The following FBN3 variants were observed in gnomAD, a reference collection of about 807,000 sequenced individuals.
The protein encoded by FBN3 is fibrillin-3.
Under a neutral mutation model 330.1 loss-of-function variants are expected in FBN3, and 234 were observed. That is an observed-to-expected ratio of 0.71 (90% CI 0.64 to 0.79). The LOEUF (loss-of-function observed/expected upper bound fraction) is 0.79. FBN3 is among the 30% of genes least tolerant of loss of function. The pLI, the probability that FBN3 is intolerant of heterozygous loss-of-function variation, is 0.00. For synonymous variants in FBN3, 1,458 were observed against 1,517.3 expected (o/e 0.96, Z 0.91); for missense variants, 3,606 against 3,886.9 (o/e 0.93, Z 1.92).
Position 8,116,730 on chromosome 19 carries a change from T to C in FBN3, c.3656A>G (p.His1219Arg). The change falls in exon 29 of 64, where the codon CAC becomes CGC. Residue 1219 changes from histidine to arginine, a missense_variant. Transcript: ENST00000600128. The part of the protein sequence containing the change: ...QGHCTNMPGG[H>R]RCLCYDGFMA... ...GAAGCCATCATAGCACAGGCAGCGG[T>C]GACCCCCTGGCATGTTGGTGCAGTG... 1 of 1,613,904 alleles carries C rather than the reference T, an allele frequency of 6.2e-7. No homozygotes were observed.
Position 8,138,418 on chromosome 19 carries a change from C to A in FBN3, c.1012G>T (p.Gly338Cys). The A allele has an allele frequency of 2.5e-6, 4 of 1,611,510 alleles. No individual in the cohort carries two copies. Among genetic ancestry groups the A allele is most frequent in the Non-Finnish European group, 3.4e-6 (4 of 1,178,492 alleles). Residue 338 changes from glycine (G) to cysteine (C), a missense_variant, in exon 9 of 64, where the codon GGC becomes TGC. Gly to Cys is a radical substitution (Grantham distance 159, BLOSUM62 -3). Transcript: ENST00000600128. Reference protein sequence around the residue: ...GPVPELCPPRGSNEFQQLCAQ... With the variant: ...GPVPELCPPRCSNEFQQLCAQ... ...GGCTGCAGCTCTTACTCACTGGAGC[C>A]CCGAGGAGGACACAGCTCAGGGACC...
At position 8,090,173 on chromosome 19, in the gene FBN3, G is replaced by A. The variant is rs2082062158; in HGVS notation, c.6110C>T (p.Thr2037Ile). Residue 2037 changes from threonine to isoleucine, a missense_variant, in exon 49 of 64, where the codon ACC becomes ATC. Thr to Ile is a moderately conservative substitution (Grantham distance 89). Coordinates refer to ENST00000600128, the MANE Select transcript of FBN3 (RefSeq NM_032447.5). ...SVPKAFNTTKTRCCCSKRPGE... is the reference protein window; with the variant it reads ...SVPKAFNTTKIRCCCSKRPGE... Reference sequence around the variant, plus strand: ...AGGCCTCTTACTGCAGCAGCAGCGGGTCTTGGTGGTGTTGAAAGCTTTGGG... The same window carrying A: ...AGGCCTCTTACTGCAGCAGCAGCGGATCTTGGTGGTGTTGAAAGCTTTGGG... 1 of 1,614,008 alleles carries A rather than the reference G, an allele frequency of 6.2e-7. No individual in the cohort carries two copies. Among genetic ancestry groups the A allele is most frequent in the Admixed American group, 1.7e-5 (1 of 59,992 alleles).
At chr19:8,082,111 A>G (rs2081803107) in intron 57 of FBN3, among the ~76,000 whole-genome samples, 1 of 149,674 alleles carries the variant, frequency 6.7e-6, no homozygotes, top group Non-Finnish European at 1.5e-5. Flanking sequence ...TTACAGGCAC[A>G]TAACACCTGG....
chr19:8,124,609 C>T lies in FBN3; in HGVS notation c.2732-601G>A, dbSNP rs1037736365. On this transcript the variant is annotated intron_variant, in intron 22 of 63. Coordinates refer to ENST00000600128, the MANE Select transcript of FBN3 (RefSeq NM_032447.5). ...CTGTAGTGCAGCGGCACAATCTCAG[C>T]TCACTGCAACCTCCGCCTCCCGGGT... Among the ~76,000 whole-genome samples the T allele has an allele frequency of 2.0e-5, 3 of 151,212 alleles. 1 individual carries two copies. Among genetic ancestry groups the T allele is most frequent in the Admixed American group, 6.6e-5 (1 of 15,084 alleles).
At chr19:8,087,008 A>C in intron 54 of FBN3, 69 bp downstream of exon 54, 5 of 1,550,022 alleles carry the variant, frequency 3.2e-6, no homozygotes, top group Non-Finnish European at 4.3e-6. Flanking sequence ...GCCCGGTCCA[A>C]CCCTCTTGCT....
intron 11 of FBN3, 36 bp downstream of exon 11, chr19:8,136,352 G>A (rs1285212948): frequency 1.9e-6 from 3 of 1,605,338 alleles, no homozygotes; most frequent in African/African-American, 1.4e-5. Context: ...GCAGGGCAGT[G>A]AGAACCGCCC....
At chr19:8,069,141 A>G (rs2081457281) in intron 63 of FBN3, among the ~76,000 whole-genome samples, 1 of 152,128 alleles carries the variant, frequency 6.6e-6, no homozygotes, top group African/African-American at 2.4e-5. Context: ...GCTGGAGAGG[A>G]GAGCGTAAAG....
Position 8,141,928 on chromosome 19 carries a change from C to T in FBN3, c.739+12G>A, listed in dbSNP as rs750436026. Reference sequence around the variant, plus strand: ...CTAAGGCCTCCCACTCAGCCCTGACCCCACTATTCACCTTGGCAGGCCCCC... The same window carrying T: ...CTAAGGCCTCCCACTCAGCCCTGACTCCACTATTCACCTTGGCAGGCCCCC... On this transcript the variant is annotated intron_variant, in intron 7 of 63. Coordinates refer to ENST00000600128, the MANE Select transcript of FBN3 (RefSeq NM_032447.5). 5 of 1,613,976 alleles carry T rather than the reference C, an allele frequency of 3.1e-6. No individual in the cohort carries two copies. The South Asian group carries it at 4.4e-5, about 14-fold the overall frequency.
At chr19:8,099,201 C>T (rs1190185466) in intron 41 of FBN3, among the ~76,000 whole-genome samples, 2 of 150,798 alleles carry the variant, frequency 1.3e-5, no homozygotes, top group Non-Finnish European at 2.9e-5. Context: ...AGCATAAGAA[C>T]GTCCAGAGAG....
intron 59 of FBN3, among the ~76,000 whole-genome samples, chr19:8,079,589 ATTGTTTGTTTGT>A (rs113805006): frequency 8.6e-5 from 13 of 150,666 alleles, no homozygotes; most frequent in Admixed American, 8.6e-4. Context: ...TATTCTGTTA[ATTGTTTGTTTGT>A]TTGTTTGTTT....
rs1029036266 is a variant in FBN3, at chr19:8,117,579, C to T, written c.3348G>A (p.Glu1116=). ...AKGTACEDID[E]CSLSDGLCPH... ...GACACAGGCCATCACTCAGGGAGCA[C>T]TCATCGATGTCTGTGGGGGAGTGCA... The change falls in exon 27 of 64, where the codon GAG becomes GAA. Residue 1116 remains glutamate (E), a synonymous_variant. Coordinates refer to ENST00000600128, the MANE Select transcript of FBN3 (RefSeq NM_032447.5). 7 of 1,550,216 alleles carry T rather than the reference C, an allele frequency of 4.5e-6. No individual in the cohort carries two copies. The African/African-American group carries it at 6.8e-5, about 15-fold the overall frequency.
At chr19:8,108,577 G>A (rs901357546) in intron 36 of FBN3, among the ~76,000 whole-genome samples, 5 of 152,080 alleles carry the variant, frequency 3.3e-5, no homozygotes, top group African/African-American at 1.2e-4. Flanking sequence ...TAGTGTAACT[G>A]CAAGTTTTCC....
In FBN3 at chr19:8,111,748, C is replaced by T. The variant is rs765019367; in HGVS notation, c.3984G>A (p.Gln1328=). 6.2e-6 allele frequency: 10 copies of T among 1,612,698 alleles called. No individual in the cohort carries two copies. The African/African-American group carries it at 1.3e-4, about 22-fold the overall frequency. ...CACCTCTTGGGCTGCACCGGTGCTC[C>T]TGGGAGACGCATTCATCCAGGTCTG... is the stretch of plus-strand genomic sequence containing the variant. ...ECHDLDECVS[Q]EHRCSPRGDC... The change falls in exon 32 of 64, where the codon CAG becomes CAA. Residue 1328 remains glutamine (Q), a synonymous_variant. Transcript: ENST00000600128.
intron 13 of FBN3, 25 bp downstream of exon 13, chr19:8,135,936 G>GGGGCCCCCCCCCCCCCCC: frequency 4.5e-6 from 3 of 668,776 alleles, no homozygotes; most frequent in Non-Finnish European, 7.2e-6. Flanking sequence ...GGAAGCCCCT[G>GGGGCCCCCCCCCCCCCCC]CCCACCCGCC....
intron 54 of FBN3, among the ~76,000 whole-genome samples, chr19:8,086,561 ATTC>A (rs999139179): frequency 1.3e-5 from 2 of 150,154 alleles, no homozygotes; most frequent in African/African-American, 4.9e-5. Context: ...GGTTCAAGAA[ATTC>A]TTCTGCCTCA....
chr19:8,087,571 G>A (rs891262007), intron 53 of FBN3, among the ~76,000 whole-genome samples: 1 of 151,496 alleles, frequency 6.6e-6, no homozygotes, highest in Non-Finnish European at 1.5e-5. Context: ...TCTTTGCGGT[G>A]GGCGGCTGTT....
At position 8,138,330 on chromosome 19, in the gene FBN3, G is replaced by A. The variant is rs909902647; in HGVS notation, c.1019-7C>T. ...CACAGTTGCTGGAATTCATCTGCAAGGAAGCAGGGTTGAGGCCAGGCCCTT... is the reference window on the plus strand; with the variant it reads ...CACAGTTGCTGGAATTCATCTGCAAAGAAGCAGGGTTGAGGCCAGGCCCTT... On this transcript the variant is annotated splice_region_variant and splice_polypyrimidine_tract_variant and intron_variant, in intron 9 of 63. Transcript: ENST00000600128. The A allele has an allele frequency of 6.2e-7, 1 of 1,612,920 alleles. No individual in the cohort carries two copies. The highest frequency in any genetic ancestry group is 1.3e-5 in the African/African-American group (1 of 75,000).
chr19:8,100,005 C>T (rs1023751930), intron 41 of FBN3, among the ~76,000 whole-genome samples: 2 of 143,380 alleles, frequency 1.4e-5, no homozygotes, highest in Admixed American at 1.4e-4. Flanking sequence ...AGAGAAACTC[C>T]ATCTCAAAAA....
In FBN3 at chr19:8,117,545, G is replaced by A. The variant is rs897960014; in HGVS notation, c.3382C>T (p.Gln1128Ter). The A allele has an allele frequency of 2.6e-6, 4 of 1,557,854 alleles. No homozygotes were observed. In the African/African-American group the frequency reaches 5.5e-5, roughly 21 times the overall value. ...SLSDGLCPHG[Q>*]CVNVIGAFQC... ...AAGGCACCGATGACATTGACACACTGGCCATGGGGACACAGGCCATCACTC... is the reference window on the plus strand; with the variant it reads ...AAGGCACCGATGACATTGACACACTAGCCATGGGGACACAGGCCATCACTC... The change falls in exon 27 of 64, where the codon CAG becomes TAG. Residue 1128 changes from glutamine to a stop codon, truncating the protein, a stop_gained. Transcript: ENST00000600128. LOFTEE classifies it high-confidence loss of function.
Sources: allele counts gnomAD v4.1 joint callset (sites outside exome capture counted in the v4.1 genomes callset), GRCh38; gene constraint gnomAD v4.1.1; transcripts MANE v1.5; gene names NCBI Gene and HGNC (gene_info 2026-07-23, HGNC 2026-07-21).